The following CADPS variants were observed in gnomAD, a reference collection of about 807,000 sequenced individuals.
CADPS encodes calcium dependent secretion activator.
Under a neutral mutation model 167.3 loss-of-function variants are expected in CADPS, and 57 were observed. The ratio of observed to expected loss-of-function variants is 0.34; its 90% confidence interval spans 0.28 to 0.42. The LOEUF (loss-of-function observed/expected upper bound fraction) is 0.42, where lower values mean the gene tolerates loss of function less well. Among genes scored for constraint, CADPS ranks in the 20% least tolerant of loss-of-function variants. The probability of loss-of-function intolerance (pLI) is 1.00; values close to 1 mark genes in which losing one functional copy is unlikely to be tolerated. For missense variants in CADPS, 1,414 were observed against 1,738.1 expected (o/e 0.81, Z 3.32); for synonymous variants, 676 against 635.3 (o/e 1.06, Z -0.96).
chr3:62,552,567 T>G (rs1283147369), intron 10 of CADPS, among the ~76,000 whole-genome samples: 3 of 152,158 alleles, frequency 2.0e-5, no homozygotes, highest in African/African-American at 7.2e-5. Context: ...AAGAGGAGAA[T>G]GAATGAGTTA....
chr3:62,483,472 C>A (rs531388273), intron 21 of CADPS, among the ~76,000 whole-genome samples: 38 of 152,210 alleles, frequency 2.5e-4, no homozygotes, highest in Non-Finnish European at 2.9e-4. Flanking sequence ...ATTATTCTTT[C>A]ACAATGGCAA....
chr3:62,581,326 CT>C (rs1273904717), intron 8 of CADPS, among the ~76,000 whole-genome samples: 1 of 151,398 alleles, frequency 6.6e-6, no homozygotes, highest in African/African-American at 2.4e-5. Flanking sequence ...TTATTTTCAT[CT>C]CAAATTGTAA....
intron 1 of CADPS, among the ~76,000 whole-genome samples, chr3:62,867,017 T>C (rs971073068): frequency 6.6e-6 from 1 of 152,028 alleles, no homozygotes; most frequent in Non-Finnish European, 1.5e-5. Context: ...AGTCTTACTC[T>C]ATCTAGATAT....
Position 62,626,533 on chromosome 3 carries a change from C to T in CADPS, c.1325+19189G>A, listed in dbSNP as rs117240765. On this transcript the variant is annotated intron_variant, in intron 6 of 29. Transcript: ENST00000383710. ...GGCACAAAGACGGGACATCAAATGGCACTGTGAGGCAGTTGTTCTCTTCTG... is the reference window on the plus strand; with the variant it reads ...GGCACAAAGACGGGACATCAAATGGTACTGTGAGGCAGTTGTTCTCTTCTG... The T allele has an allele frequency of 4.4e-3, 3,087 of 702,700 alleles. 48 individuals carry two copies. The highest frequency in any genetic ancestry group is 0.043 in the East Asian group (1,612 of 37,234). 43.5% of individuals were successfully genotyped at this position (702,700 alleles called of 1,614,324 possible). A position where few individuals can be genotyped will look rare whatever the true frequency, so the allele number is the denominator to read the frequency against.
chr3:62,669,059 G>C (rs183559825), intron 3 of CADPS, among the ~76,000 whole-genome samples: 1 of 152,208 alleles, frequency 6.6e-6, no homozygotes, highest in Admixed American at 6.5e-5. Flanking sequence ...TGATTAAAGC[G>C]TTCCTTATTC....
At chr3:62,671,499 G>T (rs1186251287) in intron 3 of CADPS, among the ~76,000 whole-genome samples, 1 of 152,116 alleles carries the variant, frequency 6.6e-6, no homozygotes, top group African/African-American at 2.4e-5. Flanking sequence ...TCTATCCCTT[G>T]CTAGCTGTGC....
At position 62,727,824 on chromosome 3, in the gene CADPS, A is replaced by T. The variant is rs185112719; in HGVS notation, c.888+25617T>A. 6.4e-4 allele frequency among the ~76,000 whole-genome samples: 98 copies of T among 151,960 alleles called. 2 individuals are homozygous for T. Among genetic ancestry groups the T allele is most frequent in the African/African-American group, 2.1e-3 (85 of 41,270 alleles). On this transcript the variant is annotated intron_variant, in intron 3 of 29. Coordinates refer to ENST00000383710, the MANE Select transcript of CADPS (RefSeq NM_003716.4). The stretch of plus-strand genomic sequence containing the variant: ...GAAATTCTGATGAAGCTTCCCCTCA[A>T]ATACTTAGCTCACTTATACCCAGAG...
chr3:62,596,140 CACAT>C (rs1190626441), intron 6 of CADPS, among the ~76,000 whole-genome samples: 5 of 117,308 alleles, frequency 4.3e-5, no homozygotes, highest in African/African-American at 1.2e-4. Context: ...CACACACACA[CACAT>C]ATCCTATTAG....
chr3:62,612,165 T>C (rs1453612856), intron 6 of CADPS, among the ~76,000 whole-genome samples: 1 of 152,212 alleles, frequency 6.6e-6, no homozygotes, highest in Non-Finnish European at 1.5e-5. Flanking sequence ...AATCTCTTCT[T>C]TGCCACTTAA....
intron 3 of CADPS, among the ~76,000 whole-genome samples, chr3:62,750,346 T>C (rs1028444553): frequency 1.3e-4 from 9 of 71,818 alleles, no homozygotes; most frequent in Admixed American, 4.8e-4. Flanking sequence ...GTGAGACTCT[T>C]AAGCTCCAAA....
Position 62,562,850 on chromosome 3 carries a change from G to T in CADPS, c.1645-5337C>A, listed in dbSNP as rs190416756. 2.5e-3 allele frequency among the ~76,000 whole-genome samples: 382 copies of T among 152,354 alleles called. 1 individual carries two copies. Among genetic ancestry groups the T allele is most frequent in the Admixed American group, 4.6e-3 (71 of 15,310 alleles). On this transcript the variant is annotated intron_variant, in intron 9 of 29. Coordinates refer to ENST00000383710, the MANE Select transcript of CADPS (RefSeq NM_003716.4). The stretch of plus-strand genomic sequence containing the variant: ...TATCTCCTTGGTTGCAGTGACTGGT[G>T]CAAGGATTTGGCACCACACTGGGCC...
chr3:62,776,504 A>T, intron 1 of CADPS, among the ~76,000 whole-genome samples: 1 of 152,180 alleles, frequency 6.6e-6, no homozygotes. Flanking sequence ...AATACAAAAA[A>T]TTAGCCGGGC....
intron 1 of CADPS, among the ~76,000 whole-genome samples, chr3:62,872,300 CAG>C (rs2082774603): frequency 6.6e-6 from 1 of 152,102 alleles, no homozygotes; most frequent in South Asian, 2.1e-4. Context: ...TTTAAAAAAT[CAG>C]AGTTCTAAGC....
intron 3 of CADPS, among the ~76,000 whole-genome samples, chr3:62,688,435 A>G (rs2078496551): frequency 6.6e-6 from 1 of 151,994 alleles, no homozygotes. Context: ...TAAGTAGGAG[A>G]TGTTGTTACT....
intron 3 of CADPS, among the ~76,000 whole-genome samples, chr3:62,715,409 A>G (rs2084312735): frequency 1.1e-5 from 1 of 92,458 alleles, no homozygotes; most frequent in Non-Finnish European, 2.3e-5. Context: ...TGTATTATAT[A>G]TAAATATATA....
intron 4 of CADPS, among the ~76,000 whole-genome samples, chr3:62,661,611 A>G (rs1367167722): frequency 3.3e-5 from 5 of 152,118 alleles, no homozygotes; most frequent in African/African-American, 1.2e-4. Flanking sequence ...CAATGAGGGA[A>G]TCTATTGAAG....
At chr3:62,685,680 A>AT (rs889757528) in intron 3 of CADPS, among the ~76,000 whole-genome samples, 23 of 91,992 alleles carry the variant, frequency 2.5e-4, no homozygotes, top group Non-Finnish European at 3.7e-4. Flanking sequence ...TAATTTTTTC[A>AT]TCGGGGGGGT....
intron 6 of CADPS, among the ~76,000 whole-genome samples, chr3:62,594,059 G>A (rs576625849): frequency 6.6e-6 from 1 of 152,054 alleles, no homozygotes; most frequent in African/African-American, 2.4e-5. Flanking sequence ...ATTTCATTTA[G>A]AGAACTTTTT....
intron 3 of CADPS, among the ~76,000 whole-genome samples, chr3:62,666,107 T>C (rs960777362): frequency 1.3e-5 from 2 of 152,174 alleles, no homozygotes; most frequent in African/African-American, 4.8e-5. Context: ...GCAGAAATGA[T>C]GTGATCAGAG....
Sources: allele counts gnomAD v4.1 joint callset (sites outside exome capture counted in the v4.1 genomes callset), GRCh38; gene constraint gnomAD v4.1.1; transcripts MANE v1.5; gene names NCBI Gene and HGNC (gene_info 2026-07-23, HGNC 2026-07-21).